SYN2: variants seen among roughly 807,000 people sequenced by gnomAD.
SYN2 encodes the protein synapsin II, also known as synapsin-2.
In SYN2, 19 loss-of-function variants were observed where a neutral mutation model predicts 50.9. The observed-to-expected ratio is 0.37, with a 90% CI of 0.26 to 0.55. The LOEUF (loss-of-function observed/expected upper bound fraction) is 0.55. Ranked by LOEUF, SYN2 falls within the 20% of genes least tolerant of loss-of-function variation. The probability of loss-of-function intolerance (pLI) is 0.81; values close to 1 mark genes in which losing one functional copy is unlikely to be tolerated. For synonymous variants in SYN2, 255 were observed against 224.9 expected (o/e 1.13, Z -1.20); for missense variants, 587 against 576.4 (o/e 1.02, Z -0.19).
chr3:12,102,605 C>T (rs2125189963), intron 1 of SYN2, among the ~76,000 whole-genome samples: 1 of 152,234 alleles, frequency 6.6e-6, no homozygotes, highest in East Asian at 1.9e-4. Flanking sequence ...GCCTCCCTTT[C>T]TTTTCCAGAT....
intron 5 of SYN2, among the ~76,000 whole-genome samples, chr3:12,155,693 TA>T (rs1697434553): frequency 6.6e-6 from 1 of 152,202 alleles, no homozygotes; most frequent in South Asian, 2.1e-4. Flanking sequence ...TAACTTTTCT[TA>T]GACTATTTTT....
intron 1 of SYN2, among the ~76,000 whole-genome samples, chr3:12,115,826 A>G (rs1696421282): frequency 6.6e-6 from 1 of 152,164 alleles, no homozygotes; most frequent in African/African-American, 2.4e-5. Context: ...CATTCTGTGA[A>G]CTTCTGATGA....
chr3:12,151,702 C>T lies in SYN2; in HGVS notation c.774+376C>T, dbSNP rs142027731. Among the ~76,000 whole-genome samples, 1,062 of 152,298 alleles carry T rather than the reference C, an allele frequency of 7.0e-3. 7 individuals carry two copies. Among genetic ancestry groups the T allele is most frequent in the Non-Finnish European group, 9.6e-3 (652 of 68,028 alleles). On this transcript the variant is annotated intron_variant, in intron 5 of 12. Transcript: ENST00000621198. ...GACGGTCAAGTGGGCATATTTATCCCTGCACAGGATATTCTAATATGGTAC... is the reference window on the plus strand; with the variant it reads ...GACGGTCAAGTGGGCATATTTATCCTTGCACAGGATATTCTAATATGGTAC...
At chr3:12,140,782 C>T (rs989718867) in intron 2 of SYN2, 74 bp downstream of exon 2, 2 of 718,986 alleles carry the variant, frequency 2.8e-6, no homozygotes, top group South Asian at 1.5e-5. Flanking sequence ...TGAACCATCT[C>T]GTTCTGCTGA....
rs913673213 is a variant in SYN2, at chr3:12,191,998, T to C, written c.*1373T>C. Among the ~76,000 whole-genome samples the C allele has an allele frequency of 1.3e-5, 2 of 152,218 alleles. No homozygotes were observed. Among genetic ancestry groups the C allele is most frequent in the African/African-American group, 4.8e-5 (2 of 41,450 alleles). ...ATGCTGTGAAGATAAACACTACATC[T>C]GCACCAATAAAAAATCCATATATTA... On this transcript the variant is annotated 3_prime_UTR_variant, in exon 13 of 13. Transcript: ENST00000621198.
chr3:12,027,878 C>T (rs991987082), intron 1 of SYN2, among the ~76,000 whole-genome samples: 1 of 150,886 alleles, frequency 6.6e-6, no homozygotes, highest in African/African-American at 2.4e-5. Context: ...AGGAAAGGGG[C>T]TTTGGAGAAT....
intron 1 of SYN2, among the ~76,000 whole-genome samples, chr3:12,025,374 G>C (rs978029897): frequency 6.6e-6 from 1 of 152,220 alleles, no homozygotes; most frequent in Non-Finnish European, 1.5e-5. Flanking sequence ...AGAGAAGGCT[G>C]TACCTAACAT....
At chr3:12,011,472 A>G (rs942126812) in intron 1 of SYN2, among the ~76,000 whole-genome samples, 14 of 152,222 alleles carry the variant, frequency 9.2e-5, no homozygotes, top group African/African-American at 3.1e-4. Context: ...CCTGAACTCT[A>G]AGGATGTCCA....
intron 1 of SYN2, among the ~76,000 whole-genome samples, chr3:12,061,961 A>T (rs936321193): frequency 6.6e-6 from 1 of 152,110 alleles, no homozygotes; most frequent in Non-Finnish European, 1.5e-5. Flanking sequence ...TGATCTGTAG[A>T]TGCAGTGGAA....
At chr3:12,073,899 T>C (rs770677936) in intron 1 of SYN2, among the ~76,000 whole-genome samples, 1 of 152,174 alleles carries the variant, frequency 6.6e-6, no homozygotes, top group Non-Finnish European at 1.5e-5. Flanking sequence ...TACTTGGTAA[T>C]TTTCTTATTC....
intron 1 of SYN2, among the ~76,000 whole-genome samples, chr3:12,138,163 G>T (rs1005741074): frequency 1.3e-5 from 2 of 152,204 alleles, no homozygotes; most frequent in African/African-American, 4.8e-5. Context: ...GGAGCTGCAA[G>T]AATGTGCTCA....
At position 12,190,896 on chromosome 3, in the gene SYN2, G is replaced by A. The variant is rs1173390373; in HGVS notation, c.*271G>A. 7.5e-6 allele frequency: 9 copies of A among 1,196,064 alleles called. No individual in the cohort carries two copies. The highest frequency in any genetic ancestry group is 9.7e-5 in the East Asian group (2 of 20,588). 74.1% of individuals were successfully genotyped at this position (1,196,064 alleles called of 1,614,324 possible). On this transcript the variant is annotated 3_prime_UTR_variant, in exon 13 of 13. Coordinates refer to ENST00000621198, the MANE Select transcript of SYN2 (RefSeq NM_133625.6). ...GAGCTTCCTTCTGAAGTCATCGTTC[G>A]CTGTGAGTTTAGTGGCCTTATTGTG... is the stretch of plus-strand genomic sequence containing the variant.
chr3:12,071,590 T>A (rs1194842952), intron 1 of SYN2: 1 of 344,560 alleles, frequency 2.9e-6, no homozygotes, highest in African/African-American at 2.1e-5. Flanking sequence ...ATTTGTAGAA[T>A]GCCTATACAT....
chr3:12,090,895 G>A (rs1695811071), intron 1 of SYN2, among the ~76,000 whole-genome samples: 1 of 152,138 alleles, frequency 6.6e-6, no homozygotes. Context: ...TGCTTTGAGT[G>A]ATAGATGTAT....
At chr3:12,070,676 C>A in intron 1 of SYN2, 1 of 1,183,344 alleles carries the variant, frequency 8.5e-7, no homozygotes, top group Non-Finnish European at 1.2e-6. Context: ...CCTCTGGATG[C>A]ACCACTGGCA....
chr3:12,014,492 G>A (rs1693978833), intron 1 of SYN2, among the ~76,000 whole-genome samples: 1 of 152,150 alleles, frequency 6.6e-6, no homozygotes, highest in Admixed American at 6.5e-5. Context: ...AGCTCTGAAT[G>A]AGAGAGCCAT....
chr3:12,033,826 A>G (rs910510127), intron 1 of SYN2, among the ~76,000 whole-genome samples: 1 of 152,216 alleles, frequency 6.6e-6, no homozygotes, highest in African/African-American at 2.4e-5. Context: ...ATTCATCCAC[A>G]TTGTATCATG....
intron 1 of SYN2, among the ~76,000 whole-genome samples, chr3:12,058,581 G>T (rs1371217025): frequency 6.6e-6 from 1 of 152,116 alleles, no homozygotes. Context: ...TTAAGCACTA[G>T]CATGTCTAAG....
At chr3:12,170,781 G>C (rs1401472319) in intron 10 of SYN2, among the ~76,000 whole-genome samples, 1 of 152,056 alleles carries the variant, frequency 6.6e-6, no homozygotes, top group African/African-American at 2.4e-5. Flanking sequence ...GAATTCTCTC[G>C]GCTATCTTTC....
Sources: allele counts gnomAD v4.1 joint callset (sites outside exome capture counted in the v4.1 genomes callset), GRCh38; gene constraint gnomAD v4.1.1; transcripts MANE v1.5; gene names NCBI Gene and HGNC (gene_info 2026-07-23, HGNC 2026-07-21).